The following MOB1B variants were observed in gnomAD, a reference collection of about 807,000 sequenced individuals.
MOB1B encodes the protein MOB1 Mps One Binder homolog B.
Under a neutral mutation model 24.4 loss-of-function variants are expected in MOB1B, and 19 were observed. That is an observed-to-expected ratio of 0.78 (90% confidence interval 0.54 to 1.14). MOB1B has a LOEUF of 1.14. MOB1B is among the 50% of genes most tolerant of loss of function. The pLI is 0.00. For synonymous variants in MOB1B, 76 were observed against 82.1 expected, an observed-to-expected ratio of 0.93 and a Z score of 0.40; for missense variants, 243 against 259.6, an observed-to-expected ratio of 0.94 and a Z score of 0.44.
At chr4:70,923,344 C>T (rs1270074011) in intron 1 of MOB1B, among the ~76,000 whole-genome samples, 2 of 152,070 alleles carry the variant, frequency 1.3e-5, no homozygotes, top group Admixed American at 6.6e-5. Flanking sequence ...TCACATGTCT[C>T]TGATGTCTCT....
At chr4:70,926,211 C>T (rs1736647309) in intron 1 of MOB1B, among the ~76,000 whole-genome samples, 1 of 151,414 alleles carries the variant, frequency 6.6e-6, no homozygotes, top group African/African-American at 2.4e-5. Flanking sequence ...TCTTGAACTC[C>T]TGGGCTCAAG....
chr4:70,941,721 A>C (rs1422596259), intron 1 of MOB1B, among the ~76,000 whole-genome samples: 1 of 152,188 alleles, frequency 6.6e-6, no homozygotes, highest in Non-Finnish European at 1.5e-5. Flanking sequence ...TTTTCAGAGA[A>C]ACTTTGGTAT....
chr4:70,968,345 C>T (rs964289449), intron 2 of MOB1B, among the ~76,000 whole-genome samples: 29 of 152,012 alleles, frequency 1.9e-4, no homozygotes, highest in Admixed American at 1.3e-4. Flanking sequence ...GAGTTTTGCT[C>T]TTGTTGCCTA....
intron 1 of MOB1B, among the ~76,000 whole-genome samples, chr4:70,929,940 A>T (rs1736821308): frequency 6.6e-6 from 1 of 152,006 alleles, no homozygotes; most frequent in African/African-American, 2.4e-5. Context: ...TTTTTTGTAG[A>T]GACAGCGTCT....
At chr4:70,939,301 A>C (rs932145777) in intron 1 of MOB1B, among the ~76,000 whole-genome samples, 3 of 152,184 alleles carry the variant, frequency 2.0e-5, no homozygotes, top group Non-Finnish European at 4.4e-5. Context: ...TCATAATCTC[A>C]TAGAAATAAA....
In MOB1B at chr4:70,961,149, A is replaced by AGC. The variant is rs542022541; in HGVS notation, c.181+2110_181+2111dup. Among the ~76,000 whole-genome samples, 325 of 152,372 alleles carry AGC rather than the reference A, an allele frequency of 2.1e-3. 1 individual carries two copies. Among genetic ancestry groups the AGC allele is most frequent in the African/African-American group, 7.5e-3 (314 of 41,590 alleles). On this transcript the variant is annotated intron_variant, in intron 2 of 5. Coordinates refer to ENST00000309395, the MANE Select transcript of MOB1B (RefSeq NM_173468.4). Reference sequence around the variant, plus strand: ...TAAAGATTAATTTAAAATTAAGCACAGCAAGGGATTAACAACTGTTAATAA... The same window carrying AGC: ...TAAAGATTAATTTAAAATTAAGCACAGCGCAAGGGATTAACAACTGTTAATAA...
intron 1 of MOB1B, among the ~76,000 whole-genome samples, chr4:70,935,847 A>ATTTTTTTTT (rs11395356): frequency 4.0e-5 from 4 of 100,386 alleles, no homozygotes; most frequent in African/African-American, 8.2e-5. Context: ...TGGTACACTA[A>ATTTTTTTTT]TTTTTTTTTT....
intron 1 of MOB1B, among the ~76,000 whole-genome samples, chr4:70,904,860 A>G (rs1455014548): frequency 2.0e-5 from 3 of 152,106 alleles, no homozygotes; most frequent in Non-Finnish European, 4.4e-5. Context: ...CAAATACAGT[A>G]GAATCCTATT....
intron 2 of MOB1B, among the ~76,000 whole-genome samples, chr4:70,969,500 C>T (rs1738669575): frequency 6.6e-6 from 1 of 152,146 alleles, no homozygotes; most frequent in Admixed American, 6.6e-5. Context: ...TTTTTAGGGC[C>T]TATGGAATGG....
intron 1 of MOB1B, among the ~76,000 whole-genome samples, chr4:70,912,329 G>A (rs138372068): frequency 1.4e-4 from 21 of 150,904 alleles, no homozygotes; most frequent in African/African-American, 4.9e-4. Context: ...TCCCAGGCTG[G>A]AGTGCAGTGG....
chr4:70,959,929 C>T (rs1382706179), intron 2 of MOB1B, among the ~76,000 whole-genome samples: 1 of 152,072 alleles, frequency 6.6e-6, no homozygotes, highest in African/African-American at 2.4e-5. Flanking sequence ...GTCGCCCAGG[C>T]TGGAGTACCA....
chr4:70,957,484 A>G, intron 1 of MOB1B, among the ~76,000 whole-genome samples: 1 of 148,948 alleles, frequency 6.7e-6, no homozygotes, highest in Non-Finnish European at 1.5e-5. Flanking sequence ...CCCAGGCTGG[A>G]GTAGAGTGGC....
intron 1 of MOB1B, among the ~76,000 whole-genome samples, chr4:70,902,767 C>A (rs2148862424): frequency 6.6e-6 from 1 of 152,330 alleles, no homozygotes; most frequent in East Asian, 1.9e-4. Flanking sequence ...TGGGCTCCTG[C>A]AGCCCTGAGG....
intron 1 of MOB1B, among the ~76,000 whole-genome samples, chr4:70,922,702 A>C (rs997884550): frequency 6.6e-6 from 1 of 152,182 alleles, no homozygotes; most frequent in South Asian, 2.1e-4. Flanking sequence ...TCCACCTATA[A>C]TTTTGAAGCT....
intron 1 of MOB1B, among the ~76,000 whole-genome samples, chr4:70,938,860 C>G (rs1737204294): frequency 6.6e-6 from 1 of 151,008 alleles, no homozygotes; most frequent in Non-Finnish European, 1.5e-5. Flanking sequence ...TCACCACAGC[C>G]TCTACCTCCC....
intron 1 of MOB1B, among the ~76,000 whole-genome samples, chr4:70,925,851 C>T (rs1484204296): frequency 6.6e-6 from 1 of 152,200 alleles, no homozygotes; most frequent in African/African-American, 2.4e-5. Flanking sequence ...TGTCCTTTCA[C>T]ACTTGCAATT....
chr4:70,944,305 G>A (rs755033279), intron 1 of MOB1B, among the ~76,000 whole-genome samples: 1 of 152,194 alleles, frequency 6.6e-6, no homozygotes, highest in African/African-American at 2.4e-5. Context: ...AAAGTGCTGG[G>A]TTTATAGGCG....
intron 1 of MOB1B, among the ~76,000 whole-genome samples, chr4:70,919,373 G>A (rs542984168): frequency 6.0e-5 from 9 of 150,816 alleles, no homozygotes; most frequent in African/African-American, 1.7e-4. Context: ...CCAGATTCCC[G>A]TAAATTATTT....
At chr4:70,911,170 G>T (rs1283071515) in intron 1 of MOB1B, among the ~76,000 whole-genome samples, 1 of 151,896 alleles carries the variant, frequency 6.6e-6, no homozygotes, top group Non-Finnish European at 1.5e-5. Flanking sequence ...CGTAGACCAG[G>T]TTTTTTACTT....
Sources: allele counts gnomAD v4.1 joint callset (sites outside exome capture counted in the v4.1 genomes callset), GRCh38; gene constraint gnomAD v4.1.1; transcripts MANE v1.5; gene names NCBI Gene and HGNC (gene_info 2026-07-23, HGNC 2026-07-21).